LRBA: variants seen among roughly 807,000 people sequenced by gnomAD.
LRBA encodes LPS responsive beige-like anchor protein, also known as lipopolysaccharide-responsive and beige-like anchor protein.
LRBA carries 176 observed loss-of-function variants against 330.0 expected under a neutral mutation model. The ratio of observed to expected loss-of-function variants is 0.53; its 90% CI spans 0.47 to 0.60. The LOEUF (loss-of-function observed/expected upper bound fraction) is 0.60, where lower values mean the gene tolerates loss of function less well. Ranked by LOEUF, LRBA falls within the 20% of genes least tolerant of loss-of-function variation. The probability of loss-of-function intolerance (pLI) is 0.00; values close to 1 mark genes in which losing one functional copy is unlikely to be tolerated. For synonymous variants in LRBA, 1,230 were observed against 1,193.0 expected, an observed-to-expected ratio of 1.03 and a Z score of -0.64; for missense variants, 3,259 against 3,444.8, an observed-to-expected ratio of 0.95 and a Z score of 1.35.
At chr4:150,842,393 C>A (rs1049726314) in intron 28 of LRBA, among the ~76,000 whole-genome samples, 2 of 152,048 alleles carry the variant, frequency 1.3e-5, no homozygotes, top group Non-Finnish European at 1.5e-5. Context: ...CTCAAGCGAT[C>A]CTCCCCACCT....
chr4:150,424,677 C>G (rs1293585481), intron 46 of LRBA, among the ~76,000 whole-genome samples: 2 of 152,324 alleles, frequency 1.3e-5, no homozygotes. Context: ...GGTAGACACA[C>G]CAGTTCACCT....
At chr4:150,851,037 A>G (rs1274284507) in intron 23 of LRBA, 135 bp from the exon 24 acceptor site, 5 of 573,546 alleles carry the variant, frequency 8.7e-6, no homozygotes, top group Non-Finnish European at 1.5e-5. Flanking sequence ...AATTAGAGAA[A>G]GAAAAATTAT....
Position 150,488,896 on chromosome 4 carries a change from C to T in LRBA, c.6449-1062G>A, listed in dbSNP as rs564200763. ...TTAGTAATGTCATAATATATACACA[C>T]ACATAAGAATATATACACACACATA... On this transcript the variant is annotated intron_variant, in intron 41 of 56. Coordinates refer to ENST00000651943, the MANE Select transcript of LRBA (RefSeq NM_001364905.1). 1.0e-3 allele frequency among the ~76,000 whole-genome samples: 135 copies of T among 129,080 alleles called. 1 individual carries two copies. Among genetic ancestry groups the T allele is most frequent in the Non-Finnish European group, 3.7e-4 (23 of 61,656 alleles). 84.7% of individuals were successfully genotyped at this position (129,080 alleles called of 152,430 possible).
At position 150,693,011 on chromosome 4, in the gene LRBA, C is replaced by A. The variant is rs950959652; in HGVS notation, c.5755-9294G>T. Among the ~76,000 whole-genome samples the A allele has an allele frequency of 3.3e-5, 5 of 152,106 alleles. 1 individual carries two copies. The East Asian group carries it at 9.7e-4, about 29-fold the overall frequency. On this transcript the variant is annotated intron_variant, in intron 36 of 56. Coordinates refer to ENST00000651943, the MANE Select transcript of LRBA (RefSeq NM_001364905.1). ...CATAATAGCTAAACACTGAAAACAA[C>A]CAAACAAACAGAAGAGATTATTTAA... is the stretch of plus-strand genomic sequence containing the variant.
chr4:150,531,881 T>C (rs1764087504), intron 40 of LRBA, among the ~76,000 whole-genome samples: 1 of 152,196 alleles, frequency 6.6e-6, no homozygotes, highest in South Asian at 2.1e-4. Flanking sequence ...AGATCTCAAA[T>C]GTAAGAAATC....
chr4:150,540,878 A>G (rs1053178006), intron 40 of LRBA, among the ~76,000 whole-genome samples: 7 of 152,182 alleles, frequency 4.6e-5, no homozygotes, highest in African/African-American at 1.7e-4. Flanking sequence ...TTTTAACCAT[A>G]TAGATGCACC....
chr4:150,727,076 T>TG (rs1169840163), intron 36 of LRBA, among the ~76,000 whole-genome samples: 3 of 133,588 alleles, frequency 2.2e-5, no homozygotes, highest in South Asian at 5.3e-4. Flanking sequence ...TGTTTTTTTT[T>TG]TTTTTTTTTT....
At chr4:150,685,421 T>TATATATAC (rs58013900) in intron 36 of LRBA, among the ~76,000 whole-genome samples, 3 of 11,104 alleles carry the variant, frequency 2.7e-4, no homozygotes, top group African/African-American at 1.2e-3. Context: ...TATATATATA[T>TATATATAC]TTTTTTTTTT....
At chr4:150,849,300 C>A in intron 25 of LRBA, 122 bp downstream of exon 25, 1 of 816,686 alleles carries the variant, frequency 1.2e-6, no homozygotes. Flanking sequence ...AGTAAAAGAT[C>A]CTATTGTTTT....
intron 44 of LRBA, among the ~76,000 whole-genome samples, chr4:150,438,503 A>G (rs1285350576): frequency 6.6e-6 from 1 of 152,152 alleles, no homozygotes; most frequent in Non-Finnish European, 1.5e-5. Context: ...ATAAATTAAT[A>G]AATAAAAAAT....
At chr4:150,772,489 T>C (rs752468009) in intron 34 of LRBA, among the ~76,000 whole-genome samples, 4 of 152,222 alleles carry the variant, frequency 2.6e-5, no homozygotes, top group Non-Finnish European at 4.4e-5. Flanking sequence ...TCTGTGCATG[T>C]ACAACTTGAT....
Position 150,505,429 on chromosome 4 carries a change from A to C in LRBA, c.6331-14394T>G, listed in dbSNP as rs1214666917. On this transcript the variant is annotated intron_variant, in intron 40 of 56. Transcript: ENST00000651943. Reference sequence around the variant, plus strand: ...CTAGAACTCAGGATTAAGAAACTCAATCAAAACCGCTCAACTACATGGAAA... The same window carrying C: ...CTAGAACTCAGGATTAAGAAACTCACTCAAAACCGCTCAACTACATGGAAA... 1.8e-4 allele frequency among the ~76,000 whole-genome samples: 27 copies of C among 152,144 alleles called. 1 individual carries two copies. In the East Asian group the frequency reaches 4.0e-3, roughly 23 times the overall value.
At chr4:150,916,188 T>G (rs1732561886) in intron 7 of LRBA, among the ~76,000 whole-genome samples, 1 of 152,234 alleles carries the variant, frequency 6.6e-6, no homozygotes, top group South Asian at 2.1e-4. Context: ...TTCCTACTTG[T>G]ATCTCCCTTA....
At chr4:150,501,709 A>C (rs1175927279) in intron 40 of LRBA, among the ~76,000 whole-genome samples, 1 of 152,170 alleles carries the variant, frequency 6.6e-6, no homozygotes, top group Non-Finnish European at 1.5e-5. Flanking sequence ...TACAACATAA[A>C]AATTTTTAAA....
chr4:150,399,573 T>C (rs565118750), intron 47 of LRBA, among the ~76,000 whole-genome samples: 34 of 152,202 alleles, frequency 2.2e-4, no homozygotes, highest in African/African-American at 7.5e-4. Flanking sequence ...ACCACTAACA[T>C]GCTAGCTGTT....
rs1223062738 is a variant in LRBA at position 150,964,102 on chromosome 4, C to T, written c.217-35037G>A. ...CCGGGAAGTGAGGAGCGTCTCCGCC[C>T]GGCAGCCGCCCCGTCCAGGAGGTGG... On this transcript the variant is annotated intron_variant, in intron 2 of 56. Transcript: ENST00000651943. Among the ~76,000 whole-genome samples, 5 of 148,704 alleles carry T rather than the reference C, an allele frequency of 3.4e-5. 2 individuals are homozygous for T. The highest frequency in any genetic ancestry group is 1.3e-4 in the African/African-American group (5 of 38,338).
intron 35 of LRBA, among the ~76,000 whole-genome samples, chr4:150,755,897 A>G (rs1380313380): frequency 6.6e-6 from 1 of 151,788 alleles, no homozygotes; most frequent in Non-Finnish European, 1.5e-5. Flanking sequence ...AAAATTAAAA[A>G]TTAGCCAGGT....
At chr4:150,434,958 A>G (rs551403301) in intron 46 of LRBA, among the ~76,000 whole-genome samples, 7 of 149,800 alleles carry the variant, frequency 4.7e-5, no homozygotes, top group African/African-American at 1.7e-4. Context: ...AAAAGATTCT[A>G]AAGAGAAAGG....
chr4:150,336,546 A>G (rs567533333), intron 48 of LRBA, among the ~76,000 whole-genome samples: 1 of 152,164 alleles, frequency 6.6e-6, no homozygotes, highest in Admixed American at 6.6e-5. Flanking sequence ...ATATTTTAAA[A>G]TAATAATGCA....
Sources: gnomAD v4.1 joint callset for allele counts (sites outside exome capture counted in the v4.1 genomes callset) on GRCh38, gnomAD v4.1.1 for gene constraint, MANE v1.5 for transcripts, NCBI Gene and HGNC (gene_info 2026-07-23, HGNC 2026-07-21) for gene names.